Variants in PRUNE2 observed in about 807,000 individuals in gnomAD.
The protein encoded by PRUNE2 is prune homolog 2 with BCH domain.
A neutral mutation model predicts 252.0 loss-of-function variants in PRUNE2; 164 were observed. That is an observed-to-expected ratio of 0.65 (90% CI 0.57 to 0.74). The LOEUF is 0.74. PRUNE2 is among the 30% of genes least tolerant of loss of function. The pLI, the probability that PRUNE2 is intolerant of heterozygous loss-of-function variation, is 0.00. For missense variants in PRUNE2, 3,495 were observed against 3,711.0 expected (o/e 0.94, Z 1.51); for synonymous variants, 1,292 against 1,350.2 (o/e 0.96, Z 0.94).
chr9:76,660,794 A>AG (rs559927228), intron 9 of PRUNE2, among the ~76,000 whole-genome samples: 19 of 148,328 alleles, frequency 1.3e-4, no homozygotes, highest in South Asian at 4.2e-4. Context: ...AAAAAAAAAA[A>AG]AAAAAAAGAA....
At chr9:76,828,402 T>C (rs539970283) in intron 4 of PRUNE2, among the ~76,000 whole-genome samples, 1 of 152,350 alleles carries the variant, frequency 6.6e-6, no homozygotes, top group South Asian at 2.1e-4. Flanking sequence ...TGAAGGGCCT[T>C]ACAAGCCGCC....
intron 5 of PRUNE2, among the ~76,000 whole-genome samples, chr9:76,824,274 G>A (rs7341766): frequency 6.6e-6 from 1 of 152,092 alleles, no homozygotes; most frequent in Non-Finnish European, 1.5e-5. Context: ...GCAGACAAAG[G>A]CAGGGAATAA....
rs2134765577 is a variant in PRUNE2, at chr9:76,703,539, A to G, written c.8074T>C (p.Ser2692Pro). ...PLESLALEEASGPVSQSQKSK... is the reference protein window; with the variant it reads ...PLESLALEEAPGPVSQSQKSK... ...TTCTGTGATTGGCTGACTGGACCAG[A>G]GGCTTCCTCTAGTGCCAAAGATTCT... Residue 2692 changes from serine to proline, a missense_variant, in exon 9 of 19, where the codon TCT (serine) becomes CCT (proline). Physicochemically the swap from Ser to Pro is moderately conservative, Grantham distance 74. Coordinates refer to ENST00000376718, the MANE Select transcript of PRUNE2 (RefSeq NM_015225.3). 1.2e-6 allele frequency: 2 copies of G among 1,613,800 alleles called. No homozygotes were observed. Among genetic ancestry groups the G allele is most frequent in the East Asian group, 4.5e-5 (2 of 44,882 alleles).
intron 4 of PRUNE2, among the ~76,000 whole-genome samples, chr9:76,837,616 AAGACTGATACAAAAAAAAATTT>A (rs993688233): frequency 5.4e-5 from 8 of 148,108 alleles, no homozygotes; most frequent in Admixed American, 2.1e-4. Context: ...GTGTCTTTTC[AAGACTGATACAAAAAAAAATTT>A]AGACTTAGTT....
chr9:76,738,571 G>C (rs1218176698), intron 6 of PRUNE2: 1 of 152,178 alleles, frequency 6.6e-6, no homozygotes, highest in Admixed American at 6.5e-5. Context: ...AATTTGTTTG[G>C]AGTATGGATA....
intron 6 of PRUNE2, among the ~76,000 whole-genome samples, chr9:76,808,044 G>T (rs192073421): frequency 1.3e-5 from 2 of 152,068 alleles, no homozygotes; most frequent in South Asian, 2.1e-4. Context: ...TTGGTGTGGC[G>T]GCAGGTGCCT....
chr9:76,707,239 T>C lies in PRUNE2; in HGVS notation c.5035A>G (p.Arg1679Gly). 1 of 1,613,986 alleles carries C rather than the reference T, an allele frequency of 6.2e-7. No homozygotes were observed. The stretch of plus-strand genomic sequence containing the variant: ...GAACCTGAGCTTGTTGAAATGACCC[T>C]GGCATCCTCTGGCTGCACAGTTGCA... ...ISATVQPEDA[R>G]VISTSSGSDD... The change falls in exon 8 of 19, where the codon AGG becomes GGG. Residue 1679 changes from arginine to glycine, a missense_variant. Transcript: ENST00000376718.
chr9:76,837,978 A>G (rs1409690106), intron 4 of PRUNE2, among the ~76,000 whole-genome samples: 6 of 151,822 alleles, frequency 4.0e-5, no homozygotes, highest in Non-Finnish European at 7.4e-5. Context: ...TCACCGTGTT[A>G]GCCAGGATGG....
chr9:76,812,063 T>C (rs981107741), intron 6 of PRUNE2, among the ~76,000 whole-genome samples: 2 of 152,200 alleles, frequency 1.3e-5, no homozygotes, highest in Non-Finnish European at 2.9e-5. Flanking sequence ...GTCCAGATGG[T>C]ATTATCAGAA....
chr9:76,869,793 G>C (rs901480737), intron 1 of PRUNE2, among the ~76,000 whole-genome samples: 2 of 152,162 alleles, frequency 1.3e-5, no homozygotes, highest in Non-Finnish European at 2.9e-5. Flanking sequence ...ACGGTTTTAT[G>C]ATTCTAAGTA....
intron 9 of PRUNE2, among the ~76,000 whole-genome samples, chr9:76,659,386 A>T (rs1456196636): frequency 1.3e-5 from 2 of 152,248 alleles, no homozygotes; most frequent in Non-Finnish European, 2.9e-5. Flanking sequence ...CAAAGCATAT[A>T]GGAACAAAAA....
intron 9 of PRUNE2, among the ~76,000 whole-genome samples, chr9:76,668,074 G>A (rs2133836155): frequency 6.6e-6 from 1 of 152,186 alleles, no homozygotes; most frequent in South Asian, 2.1e-4. Context: ...TGGTGCAAGT[G>A]GTACACCCAA....
At chr9:76,746,166 C>A (rs2050082948) in intron 6 of PRUNE2, among the ~76,000 whole-genome samples, 1 of 152,134 alleles carries the variant, frequency 6.6e-6, no homozygotes, top group Non-Finnish European at 1.5e-5. Flanking sequence ...AACCCGTGGA[C>A]TCTCCAGAGG....
At chr9:76,828,385 G>A (rs150294940) in intron 4 of PRUNE2, among the ~76,000 whole-genome samples, 57 of 152,244 alleles carry the variant, frequency 3.7e-4, no homozygotes, top group Admixed American at 5.9e-4. Context: ...GATAGATAGC[G>A]GGACCATGAA....
At chr9:76,881,907 C>G (rs1294309750) in intron 1 of PRUNE2, among the ~76,000 whole-genome samples, 2 of 152,100 alleles carry the variant, frequency 1.3e-5, no homozygotes, top group African/African-American at 4.8e-5. Flanking sequence ...AGGTGTGAGC[C>G]ACCGCACCTG....
At chr9:76,862,781 T>C (rs969460451) in intron 1 of PRUNE2, 1 of 152,226 alleles carries the variant, frequency 6.6e-6, no homozygotes, top group Non-Finnish European at 1.5e-5. Context: ...CTCTCTGTAC[T>C]TCTATGAGTG....
chr9:76,745,078 C>CA (rs113934601), intron 6 of PRUNE2, among the ~76,000 whole-genome samples: 29,923 of 151,950 alleles, frequency 0.2, 3,615 homozygotes, highest in East Asian at 0.49. Context: ...CAGGAGTAGG[C>CA]ACCCAATGAA....
chr9:76,822,165 C>T (rs1416254271), intron 6 of PRUNE2, among the ~76,000 whole-genome samples: 1 of 152,142 alleles, frequency 6.6e-6, no homozygotes. Context: ...TACTACCTCA[C>T]AAATTGAATA....
chr9:76,801,634 T>A (rs1427044720), intron 6 of PRUNE2, among the ~76,000 whole-genome samples: 5 of 152,158 alleles, frequency 3.3e-5, no homozygotes, highest in African/African-American at 1.2e-4. Context: ...TAAAAAAAAG[T>A]TTAAAGGTAA....
Sources: gnomAD v4.1 joint callset for allele counts (sites outside exome capture counted in the v4.1 genomes callset) on GRCh38, gnomAD v4.1.1 for gene constraint, MANE v1.5 for transcripts, NCBI Gene and HGNC (gene_info 2026-07-23, HGNC 2026-07-21) for gene names.